The following KIRREL1 variants were observed in gnomAD, a reference collection of about 807,000 sequenced individuals.
KIRREL1 encodes kin of IRRE-like protein 1.
Under a neutral mutation model 83.3 loss-of-function variants are expected in KIRREL1, and 25 were observed. The observed-to-expected ratio is 0.30, with a 90% CI of 0.22 to 0.42. The LOEUF (loss-of-function observed/expected upper bound fraction) is 0.42, where lower values mean the gene tolerates loss of function less well. KIRREL1 is among the 10% of genes least tolerant of loss of function. The pLI is 1.00. For synonymous variants in KIRREL1, 388 were observed against 410.4 expected, an observed-to-expected ratio of 0.95 and a Z score of 0.66; for missense variants, 812 against 1,032.3, an observed-to-expected ratio of 0.79 and a Z score of 2.92.
Position 158,084,531 on chromosome 1 carries a change from C to A in KIRREL1, c.462C>A (p.Ile154=), listed in dbSNP as rs746057867. Residue 154 remains isoleucine, a synonymous_variant, in exon 4 of 15, where the codon ATC becomes ATA. Coordinates refer to ENST00000359209, the MANE Select transcript of KIRREL1 (RefSeq NM_018240.7). ...RAFNAKPAAT[I]IWFRDGTQQE... ...TCAATGCGAAGCCTGCTGCCACCAT[C>A]ATCTGGTTCCGGGACGGGACGCAGC... 6.4e-7 allele frequency: 1 copy of A among 1,551,676 alleles called. No individual in the cohort carries two copies. Among genetic ancestry groups the A allele is most frequent in the East Asian group, 2.4e-5 (1 of 40,936 alleles).
chr1:158,093,856 T>G, intron 13 of KIRREL1, 94 bp downstream of exon 13: 1 of 1,355,174 alleles, frequency 7.4e-7, no homozygotes, highest in Non-Finnish European at 1.0e-6. Context: ...CATTCTCTCC[T>G]TCCTCAGTCG....
chr1:158,017,889 GA>G (rs10718985), intron 1 of KIRREL1, among the ~76,000 whole-genome samples: 144,289 of 148,272 alleles, frequency 0.97, 70,283 homozygotes, highest in South Asian at 1. Context: ...GAGGGGAAAA[GA>G]AAAAAAAAAA....
At chr1:158,036,580 G>T (rs1246963421) in intron 1 of KIRREL1, among the ~76,000 whole-genome samples, 1 of 152,130 alleles carries the variant, frequency 6.6e-6, no homozygotes, top group Non-Finnish European at 1.5e-5. Context: ...CAAGGTTCAC[G>T]GAGGAGGATG....
chr1:158,060,660 A>G (rs1428020593), intron 1 of KIRREL1, among the ~76,000 whole-genome samples: 2 of 152,038 alleles, frequency 1.3e-5, no homozygotes, highest in African/African-American at 4.8e-5. Context: ...TCCCCTCATC[A>G]GTCATATGGG....
intron 1 of KIRREL1, among the ~76,000 whole-genome samples, chr1:158,014,592 G>A (rs1413672663): frequency 6.7e-6 from 1 of 149,402 alleles, no homozygotes; most frequent in African/African-American, 2.5e-5. Context: ...TTTAGCGAGG[G>A]ACTGACCTGC....
rs181178311 is a variant in KIRREL1, at chr1:158,060,854, C to T, written c.53-15259C>T. 6.5e-3 allele frequency among the ~76,000 whole-genome samples: 992 copies of T among 152,244 alleles called. 9 individuals carry two copies. The highest frequency in any genetic ancestry group is 0.01 in the Non-Finnish European group (707 of 68,000). On this transcript the variant is annotated intron_variant, in intron 1 of 14. Coordinates refer to ENST00000359209, the MANE Select transcript of KIRREL1 (RefSeq NM_018240.7). Reference sequence around the variant, plus strand: ...AAACAGCATGACTCCGGTGCCGTCTCCTAGCCCAGAGTTTAGGGCACATTT... The same window carrying T: ...AAACAGCATGACTCCGGTGCCGTCTTCTAGCCCAGAGTTTAGGGCACATTT...
chr1:157,993,648 C>T lies in KIRREL1; in HGVS notation c.-29C>T. On this transcript the variant is annotated 5_prime_UTR_variant, in exon 1 of 15. Transcript: ENST00000359209. ...TCGCTCGCCAACTCCGGGCCCCAGCCGCGGGCGGGCGCACGGCGGGCGGAC... is the reference window on the plus strand; with the variant it reads ...TCGCTCGCCAACTCCGGGCCCCAGCTGCGGGCGGGCGCACGGCGGGCGGAC... 3 of 1,467,492 alleles carry T rather than the reference C, an allele frequency of 2.0e-6. No individual in the cohort carries two copies. The South Asian group carries it at 4.1e-5, about 20-fold the overall frequency. The allele number at this position is 1,467,492 out of a possible 1,614,324, so 90.9% of individuals were successfully genotyped here.
At chr1:158,000,567 G>A (rs1659334319) in intron 1 of KIRREL1, among the ~76,000 whole-genome samples, 1 of 152,210 alleles carries the variant, frequency 6.6e-6, no homozygotes, top group Non-Finnish European at 1.5e-5. Context: ...AGTTCTTGGA[G>A]CATCCAGGAT....
At chr1:158,062,691 A>G (rs550633435) in intron 1 of KIRREL1, among the ~76,000 whole-genome samples, 1 of 152,386 alleles carries the variant, frequency 6.6e-6, no homozygotes, top group East Asian at 1.9e-4. Flanking sequence ...GCAAACAAGG[A>G]CACATGTGTC....
intron 4 of KIRREL1, among the ~76,000 whole-genome samples, chr1:158,086,181 G>A (rs2181934): frequency 0.36 from 55,301 of 151,894 alleles, 12,216 homozygotes; most frequent in East Asian, 0.74. Flanking sequence ...GTGTAAGGTC[G>A]GGGAGGAGGG....
chr1:158,073,934 G>C lies in KIRREL1; in HGVS notation c.53-2179G>C, dbSNP rs544506861. Among the ~76,000 whole-genome samples, 11 of 152,314 alleles carry C rather than the reference G, an allele frequency of 7.2e-5. No individual in the cohort carries two copies. The South Asian group carries it at 1.0e-3, about 14-fold the overall frequency. On this transcript the variant is annotated intron_variant, in intron 1 of 14. Transcript: ENST00000359209. ...CCATGCGTATAAATTCCACCTCTGA[G>C]CCAGGGCTCACCAGCAAGCCCACTC...
At chr1:158,067,649 G>T (rs1661391033) in intron 1 of KIRREL1, among the ~76,000 whole-genome samples, 1 of 152,250 alleles carries the variant, frequency 6.6e-6, no homozygotes, top group African/African-American at 2.4e-5. Context: ...TCACACAGCA[G>T]GTTGGTGGCA....
intron 1 of KIRREL1, among the ~76,000 whole-genome samples, chr1:158,051,394 C>A (rs963192604): frequency 1.1e-4 from 17 of 152,172 alleles, no homozygotes; most frequent in African/African-American, 4.1e-4. Context: ...CATGGTCACA[C>A]AATGAACACC....
chr1:158,058,725 T>C (rs1215572693), intron 1 of KIRREL1, among the ~76,000 whole-genome samples: 1 of 152,112 alleles, frequency 6.6e-6, no homozygotes, highest in Non-Finnish European at 1.5e-5. Context: ...GGGAGACATC[T>C]CTTAGGTATG....
At chr1:158,011,362 C>A (rs1470634320) in intron 1 of KIRREL1, among the ~76,000 whole-genome samples, 1 of 152,124 alleles carries the variant, frequency 6.6e-6, no homozygotes, top group East Asian at 1.9e-4. Flanking sequence ...AGGGTTGGAC[C>A]CTCGGAGAAG....
intron 1 of KIRREL1, among the ~76,000 whole-genome samples, chr1:158,006,763 C>T (rs1010938067): frequency 1.3e-5 from 2 of 152,216 alleles, no homozygotes; most frequent in Admixed American, 1.3e-4. Flanking sequence ...GAGGGACCCT[C>T]CTCCTCTCTC....
chr1:158,018,375 G>A (rs1452477711), intron 1 of KIRREL1, among the ~76,000 whole-genome samples: 2 of 152,172 alleles, frequency 1.3e-5, no homozygotes, highest in African/African-American at 4.8e-5. Flanking sequence ...GGGAACTGAT[G>A]TAGAGGGCTG....
intron 1 of KIRREL1, among the ~76,000 whole-genome samples, chr1:158,059,036 T>C (rs1009848099): frequency 6.6e-6 from 1 of 152,138 alleles, no homozygotes; most frequent in Admixed American, 6.5e-5. Flanking sequence ...AGGAAGTGTC[T>C]ACAGAGCAGT....
At chr1:158,059,385 C>T (rs1041329730) in intron 1 of KIRREL1, among the ~76,000 whole-genome samples, 4 of 152,138 alleles carry the variant, frequency 2.6e-5, no homozygotes, top group East Asian at 1.9e-4. Flanking sequence ...TAGGGGAGAA[C>T]GCTCTGGGTG....
Sources: gnomAD v4.1 joint callset for allele counts (sites outside exome capture counted in the v4.1 genomes callset) on GRCh38, gnomAD v4.1.1 for gene constraint, MANE v1.5 for transcripts, NCBI Gene and HGNC (gene_info 2026-07-23, HGNC 2026-07-21) for gene names.